The following PARD3B variants were observed in gnomAD, a reference collection of about 807,000 sequenced individuals.
PARD3B encodes the protein par-3 family cell polarity regulator beta.
A neutral mutation model predicts 130.2 loss-of-function variants in PARD3B; 103 were observed. That is an observed-to-expected ratio of 0.79 (90% confidence interval 0.67 to 0.93). The LOEUF (loss-of-function observed/expected upper bound fraction) is 0.93, where lower values mean the gene tolerates loss of function less well. Ranked by LOEUF, PARD3B falls within the 40% of genes least tolerant of loss-of-function variation. The probability of loss-of-function intolerance (pLI) is 0.00; values close to 1 mark genes in which losing one functional copy is unlikely to be tolerated. For missense variants in PARD3B, 1,609 were observed against 1,499.2 expected (o/e 1.07, Z -1.21); for synonymous variants, 583 against 553.2 (o/e 1.05, Z -0.76).
intron 10 of PARD3B, among the ~76,000 whole-genome samples, chr2:205,151,535 T>G (rs1252159173): frequency 6.6e-6 from 1 of 152,236 alleles, no homozygotes; most frequent in Admixed American, 6.5e-5. Context: ...TTTGTCTCTT[T>G]TGAACTTTGT....
At chr2:204,553,668 A>T (rs868048482) in intron 1 of PARD3B, among the ~76,000 whole-genome samples, 300 of 27,518 alleles carry the variant, frequency 0.011, 2 homozygotes, top group African/African-American at 0.022. Context: ...ATATATATAT[A>T]TATATATATA....
chr2:205,325,191 A>C lies in PARD3B; in HGVS notation c.2630+23490A>C, dbSNP rs1352673855. 6.6e-6 allele frequency among the ~76,000 whole-genome samples: 1 copy of C among 152,082 alleles called. No homozygotes were observed. The highest frequency in any genetic ancestry group is 1.5e-5 in the Non-Finnish European group (1 of 68,014). Reference sequence around the variant, plus strand: ...CAAACATATATTTGATCTTCTACCAAAATTTTTGCTGTGGTTTCACAGTTT... The same window carrying C: ...CAAACATATATTTGATCTTCTACCACAATTTTTGCTGTGGTTTCACAGTTT... On this transcript the variant is annotated intron_variant, in intron 18 of 22. Coordinates refer to ENST00000406610, the MANE Select transcript of PARD3B (RefSeq NM_001302769.2). This position sits in a 1 kb window ranked among gnomAD's most constrained non-coding sequence, Gnocchi z 4.1.
intron 15 of PARD3B, among the ~76,000 whole-genome samples, chr2:205,240,771 G>T (rs2039317634): frequency 6.6e-6 from 1 of 152,174 alleles, no homozygotes; most frequent in South Asian, 2.1e-4. Context: ...GTTATAGAAT[G>T]CGTATCAAAT....
At chr2:204,553,358 A>G (rs940135324) in intron 1 of PARD3B, among the ~76,000 whole-genome samples, 2 of 152,186 alleles carry the variant, frequency 1.3e-5, no homozygotes, top group South Asian at 4.2e-4. Flanking sequence ...TTAAAGAACT[A>G]AAAGTAGAAC....
At chr2:204,728,410 A>T (rs751803232) in intron 2 of PARD3B, among the ~76,000 whole-genome samples, 1 of 152,148 alleles carries the variant, frequency 6.6e-6, no homozygotes, top group South Asian at 2.1e-4. Flanking sequence ...GAAATCCTAC[A>T]CAAGTTCATG....
At chr2:204,703,414 G>A (rs1283433234) in intron 2 of PARD3B, among the ~76,000 whole-genome samples, 1 of 152,206 alleles carries the variant, frequency 6.6e-6, no homozygotes, top group East Asian at 1.9e-4. Context: ...GGAGAGGTTG[G>A]ATGGGGCAGT....
intron 1 of PARD3B, among the ~76,000 whole-genome samples, chr2:204,578,363 A>T (rs573326400): frequency 6.6e-6 from 1 of 152,272 alleles, no homozygotes; most frequent in East Asian, 1.9e-4. Flanking sequence ...TCCAAACTTA[A>T]GGACCTTTCA....
At chr2:205,561,824 C>T (rs191082429) in intron 22 of PARD3B, among the ~76,000 whole-genome samples, 78 of 152,288 alleles carry the variant, frequency 5.1e-4, no homozygotes, top group African/African-American at 1.7e-3. Flanking sequence ...CTGCATATGA[C>T]GGGGTTTACT....
In PARD3B at chr2:205,291,254, A is replaced by C. The variant is rs1426065619; in HGVS notation, c.2186-9276A>C. 2.6e-5 allele frequency among the ~76,000 whole-genome samples: 4 copies of C among 152,224 alleles called. No homozygotes were observed. The highest frequency in any genetic ancestry group is 5.9e-5 in the Non-Finnish European group (4 of 68,030). On this transcript the variant is annotated intron_variant, in intron 16 of 22. Transcript: ENST00000406610. The surrounding 1 kb of genome is among the most constrained non-coding windows in gnomAD (Gnocchi z 4.6). The stretch of plus-strand genomic sequence containing the variant: ...AAAAACAAACAAAAAAAGCAACAGC[A>C]ACGACAAAAAACACCAACACCACCA...
intron 18 of PARD3B, among the ~76,000 whole-genome samples, chr2:205,333,973 C>T (rs1319685516): frequency 1.3e-5 from 2 of 152,104 alleles, no homozygotes; most frequent in African/African-American, 2.4e-5. Flanking sequence ...TGGAGAGAAC[C>T]AAGTTACAGA....
chr2:205,267,386 G>A (rs887968656), intron 16 of PARD3B, among the ~76,000 whole-genome samples: 3 of 152,198 alleles, frequency 2.0e-5, no homozygotes, highest in Admixed American at 2.0e-4. Context: ...AAGATCAAGT[G>A]ATTTATAAAC....
At chr2:205,057,338 TATATAC>T (rs1252242211) in intron 4 of PARD3B, among the ~76,000 whole-genome samples, 1 of 90,584 alleles carries the variant, frequency 1.1e-5, no homozygotes, top group Non-Finnish European at 2.6e-5. Context: ...GTATATGTGT[TATATAC>T]ATATACATAT....
intron 3 of PARD3B, among the ~76,000 whole-genome samples, chr2:205,034,061 GA>G (rs1211795457): frequency 6.6e-6 from 1 of 152,154 alleles, no homozygotes; most frequent in Non-Finnish European, 1.5e-5. Context: ...AGTGTTAGTT[GA>G]GGGGAAACAA....
chr2:205,548,394 A>T (rs6738202), intron 21 of PARD3B, among the ~76,000 whole-genome samples: 68,183 of 151,734 alleles, frequency 0.45, 17,079 homozygotes, highest in Middle Eastern at 0.67. Context: ...TCCCACCTCT[A>T]CTCCAAAATC....
chr2:204,569,167 C>G (rs1261436061), intron 1 of PARD3B, among the ~76,000 whole-genome samples: 1 of 152,120 alleles, frequency 6.6e-6, no homozygotes, highest in Non-Finnish European at 1.5e-5. Context: ...TTTTTGCTTT[C>G]ACTGCACAGT....
At chr2:204,586,555 A>C (rs1387168395) in intron 1 of PARD3B, among the ~76,000 whole-genome samples, 1 of 152,184 alleles carries the variant, frequency 6.6e-6, no homozygotes, top group African/African-American at 2.4e-5. Context: ...ATTGCCAACC[A>C]TGGGTCCCGG....
chr2:204,825,737 G>A (rs2043544294), intron 2 of PARD3B, among the ~76,000 whole-genome samples: 1 of 152,188 alleles, frequency 6.6e-6, no homozygotes, highest in South Asian at 2.1e-4. Context: ...TGAAGTTACA[G>A]TGAGCTTCAA....
intron 21 of PARD3B, among the ~76,000 whole-genome samples, chr2:205,545,118 T>A (rs1209288807): frequency 6.6e-6 from 1 of 152,210 alleles, no homozygotes; most frequent in Non-Finnish European, 1.5e-5. Flanking sequence ...TTCTTTCGCC[T>A]CTCTGGATGG....
At position 205,461,399 on chromosome 2, in the gene PARD3B, G is replaced by T. The variant is rs143558053; in HGVS notation, c.3044+20727G>T. On this transcript the variant is annotated intron_variant, in intron 20 of 22. Transcript: ENST00000406610. The surrounding 1 kb of genome is among the most constrained non-coding windows in gnomAD (Gnocchi z 4.3). ...GCTTAGTAAATGGATGAGTCAGTCT[G>T]CCTGGCGCCTTTCTTCCCTTCATTG... Among the ~76,000 whole-genome samples, 1 of 152,288 alleles carries T rather than the reference G, an allele frequency of 6.6e-6. No homozygotes were observed. Among genetic ancestry groups the T allele is most frequent in the East Asian group, 1.9e-4 (1 of 5,176 alleles).
Sources: allele counts gnomAD v4.1 joint callset (sites outside exome capture counted in the v4.1 genomes callset), GRCh38; gene constraint gnomAD v4.1.1; non-coding constraint Gnocchi (gnomAD v3.1); transcripts MANE v1.5; gene names NCBI Gene and HGNC (gene_info 2026-07-23, HGNC 2026-07-21).